The following DPP6 variants were observed in gnomAD, a reference collection of about 807,000 sequenced individuals.
DPP6 encodes the protein dipeptidyl peptidase like 6, also known as A-type potassium channel modulatory protein DPP6.
Under a neutral mutation model 122.6 loss-of-function variants are expected in DPP6, and 69 were observed. The ratio of observed to expected loss-of-function variants is 0.56; its 90% CI spans 0.46 to 0.69. The LOEUF (loss-of-function observed/expected upper bound fraction) is 0.69. DPP6 is among the 30% of genes least tolerant of loss of function. The pLI, the probability that DPP6 is intolerant of heterozygous loss-of-function variation, is 0.00. For synonymous variants in DPP6, 418 were observed against 433.1 expected, an observed-to-expected ratio of 0.97 and a Z score of 0.43; for missense variants, 928 against 1,116.9, an observed-to-expected ratio of 0.83 and a Z score of 2.41.
At chr7:154,087,077 G>T (rs1323336139) in intron 1 of DPP6, among the ~76,000 whole-genome samples, 1 of 151,860 alleles carries the variant, frequency 6.6e-6, no homozygotes. Flanking sequence ...CCCAAGAAAG[G>T]GATGTGTAGG....
the DPP6 span, among the ~76,000 whole-genome samples, chr7:153,847,104 T>C: frequency 6.6e-6 from 1 of 152,262 alleles, no homozygotes; most frequent in African/African-American, 2.4e-5. Context: ...ATGTTAAGAA[T>C]ATCTGTGATT....
intron 1 of DPP6, among the ~76,000 whole-genome samples, chr7:154,348,943 C>A (rs1810615966): frequency 6.6e-6 from 1 of 152,256 alleles, no homozygotes; most frequent in East Asian, 1.9e-4. Context: ...ACAAGGTTAA[C>A]AAATGTGCAA....
intron 1 of DPP6, among the ~76,000 whole-genome samples, chr7:154,325,268 C>T (rs984515258): frequency 2.0e-5 from 3 of 152,202 alleles, no homozygotes; most frequent in Admixed American, 2.0e-4. Flanking sequence ...TGGGTCTCCT[C>T]ACTCCATCCC....
At chr7:154,171,104 C>A (rs56086022) in intron 1 of DPP6, among the ~76,000 whole-genome samples, 4 of 152,202 alleles carry the variant, frequency 2.6e-5, no homozygotes, top group Non-Finnish European at 5.9e-5. Context: ...TAAGCTTCCA[C>A]CCAAAATATT....
At chr7:153,842,396 T>C in the DPP6 span, among the ~76,000 whole-genome samples, 1 of 152,212 alleles carries the variant, frequency 6.6e-6, no homozygotes, top group African/African-American at 2.4e-5. Context: ...TATAATTCAA[T>C]ATTCCTGTAG....
intron 16 of DPP6, among the ~76,000 whole-genome samples, chr7:154,827,893 G>A (rs1800304965): frequency 1.3e-5 from 2 of 152,166 alleles, no homozygotes; most frequent in Non-Finnish European, 2.9e-5. Flanking sequence ...GCTAGATCAA[G>A]TAAGAACAGT....
intron 17 of DPP6, among the ~76,000 whole-genome samples, chr7:154,862,827 C>A (rs1803522961): frequency 6.6e-6 from 1 of 152,206 alleles, no homozygotes; most frequent in African/African-American, 2.4e-5. Context: ...TAAAATCTGG[C>A]TGGAGGAAAA....
At chr7:154,471,629 A>G (rs1236794309) in intron 2 of DPP6, among the ~76,000 whole-genome samples, 1 of 152,064 alleles carries the variant, frequency 6.6e-6, no homozygotes, top group East Asian at 1.9e-4. Flanking sequence ...CCACCCAACC[A>G]GGGGCCTCTC....
the DPP6 span, among the ~76,000 whole-genome samples, chr7:153,815,768 C>T: frequency 6.6e-6 from 1 of 152,172 alleles, no homozygotes; most frequent in Non-Finnish European, 1.5e-5. Context: ...GCCATCATCT[C>T]TGTATTGTGA....
intron 5 of DPP6, among the ~76,000 whole-genome samples, chr7:154,614,453 A>T (rs1370370107): frequency 2.6e-5 from 4 of 152,176 alleles, no homozygotes; most frequent in Non-Finnish European, 5.9e-5. Flanking sequence ...TTTAGGTGCA[A>T]ATGGAAAGGT....
At chr7:153,971,465 T>C (rs1166558272) in intron 1 of DPP6, among the ~76,000 whole-genome samples, 1 of 147,270 alleles carries the variant, frequency 6.8e-6, no homozygotes, top group Non-Finnish European at 1.5e-5. Flanking sequence ...AGTAAAATGA[T>C]GACTAGAAGT....
At chr7:153,804,624 T>G in the DPP6 span, among the ~76,000 whole-genome samples, 1 of 152,004 alleles carries the variant, frequency 6.6e-6, no homozygotes, top group Admixed American at 6.6e-5. Flanking sequence ...GCTGGACCCA[T>G]TGGCTCATGC....
At chr7:153,810,494 A>C in the DPP6 span, among the ~76,000 whole-genome samples, 1 of 152,154 alleles carries the variant, frequency 6.6e-6, no homozygotes, top group Admixed American at 6.5e-5. Flanking sequence ...GGAAATAGTC[A>C]AATATGTATG....
At chr7:154,467,503 G>GGT (rs1821891001) in intron 2 of DPP6, among the ~76,000 whole-genome samples, 1 of 152,078 alleles carries the variant, frequency 6.6e-6, no homozygotes, top group African/African-American at 2.4e-5. Flanking sequence ...TGTCACAAAG[G>GGT]GTGCTTGCTT....
chr7:153,974,864 C>T (rs1796212493), intron 1 of DPP6, among the ~76,000 whole-genome samples: 1 of 152,172 alleles, frequency 6.6e-6, no homozygotes, highest in Admixed American at 6.5e-5. Flanking sequence ...ATGCAGCAAA[C>T]CAGAACCAAG....
At chr7:154,859,186 C>T (rs763715481) in intron 17 of DPP6, among the ~76,000 whole-genome samples, 3 of 152,252 alleles carry the variant, frequency 2.0e-5, no homozygotes, top group Non-Finnish European at 4.4e-5. Flanking sequence ...TTTAGATCAG[C>T]CCTGGTGAGG....
chr7:154,575,763 TGTG>T (rs1831627862), intron 5 of DPP6, among the ~76,000 whole-genome samples: 1 of 148,994 alleles, frequency 6.7e-6, no homozygotes, highest in Admixed American at 6.8e-5. Flanking sequence ...TGTATGTATG[TGTG>T]GTGTGTGTAT....
chr7:154,748,474 G>C (rs1843142641), intron 8 of DPP6, among the ~76,000 whole-genome samples: 1 of 152,190 alleles, frequency 6.6e-6, no homozygotes, highest in South Asian at 2.1e-4. Context: ...GAGCGAAGTG[G>C]AACCCAGAGC....
chr7:154,440,642 C>T (rs1563675662), intron 1 of DPP6, among the ~76,000 whole-genome samples: 2 of 152,166 alleles, frequency 1.3e-5, no homozygotes, highest in South Asian at 2.1e-4. Context: ...ATTTTGGGAG[C>T]GAGACATTGT....
Sources: allele counts gnomAD v4.1 joint callset (sites outside exome capture counted in the v4.1 genomes callset), GRCh38; gene constraint gnomAD v4.1.1; transcripts MANE v1.5; gene names NCBI Gene and HGNC (gene_info 2026-07-23, HGNC 2026-07-21).